The following TTLL7 variants were observed in gnomAD, a reference collection of about 807,000 sequenced individuals.
TTLL7 encodes tubulin tyrosine ligase like 7, also known as tubulin polyglutamylase TTLL7.
In TTLL7, 53 loss-of-function variants were observed where a neutral mutation model predicts 120.2. That is an observed-to-expected ratio of 0.44 (90% confidence interval 0.35 to 0.55). The LOEUF (loss-of-function observed/expected upper bound fraction) is 0.55, where lower values mean the gene tolerates loss of function less well. TTLL7 is among the 20% of genes least tolerant of loss of function. The probability of loss-of-function intolerance (pLI) is 0.00; values close to 1 mark genes in which losing one functional copy is unlikely to be tolerated. For synonymous variants in TTLL7, 353 were observed against 351.7 expected (o/e 1.00, Z -0.04); for missense variants, 803 against 1,054.7 (o/e 0.76, Z 3.31).
intron 17 of TTLL7, 110 bp from the exon 18 acceptor site, chr1:83,904,269 C>A: frequency 1.4e-6 from 1 of 713,008 alleles, no homozygotes; most frequent in Non-Finnish European, 2.3e-6. Flanking sequence ...TGCCAACTTT[C>A]ATAAAAACAC....
intron 10 of TTLL7, among the ~76,000 whole-genome samples, chr1:83,924,166 A>G (rs1422900408): frequency 1.3e-5 from 2 of 152,288 alleles, no homozygotes; most frequent in Admixed American, 6.5e-5. Flanking sequence ...GAGCTGACCA[A>G]ATAAAGGAAG....
At chr1:83,907,714 T>C (rs565298426) in intron 15 of TTLL7, 53 bp from the exon 16 acceptor site, 19 of 1,520,778 alleles carry the variant, frequency 1.2e-5, no homozygotes, top group Non-Finnish European at 1.2e-5. Context: ...ATACAAGTTT[T>C]TCACTGTATG....
intron 10 of TTLL7, among the ~76,000 whole-genome samples, chr1:83,922,906 CAA>C (rs1658805167): frequency 6.6e-6 from 1 of 150,390 alleles, no homozygotes; most frequent in Non-Finnish European, 1.5e-5. Flanking sequence ...AGGGGAGCAA[CAA>C]AGGGATTAGA....
At chr1:83,988,709 T>C (rs1486012403) in intron 1 of TTLL7, among the ~76,000 whole-genome samples, 1 of 152,110 alleles carries the variant, frequency 6.6e-6, no homozygotes, top group Non-Finnish European at 1.5e-5. Context: ...TTCGTGTCTT[T>C]GGCCACCTTT....
At chr1:83,893,171 A>G (rs1230581948) in intron 18 of TTLL7, among the ~76,000 whole-genome samples, 1 of 151,930 alleles carries the variant, frequency 6.6e-6, no homozygotes, top group East Asian at 1.9e-4. Flanking sequence ...AATAAACTTA[A>G]AAACACTAAA....
chr1:83,986,013 CAA>C (rs1374377823), intron 1 of TTLL7, among the ~76,000 whole-genome samples: 1 of 152,174 alleles, frequency 6.6e-6, no homozygotes, highest in East Asian at 1.9e-4. Context: ...CATTTTTAAA[CAA>C]ACTCTTTCAG....
At chr1:83,879,709 A>G (rs1361971333) in intron 20 of TTLL7, among the ~76,000 whole-genome samples, 5 of 151,994 alleles carry the variant, frequency 3.3e-5, no homozygotes, top group Non-Finnish European at 5.9e-5. Flanking sequence ...TTCTCTATCA[A>G]ATGGTTCTGA....
chr1:83,907,522 G>T lies in TTLL7; in HGVS notation c.1926C>A (p.Asn642Lys). 1 of 1,613,266 alleles carries T rather than the reference G, an allele frequency of 6.2e-7. No individual in the cohort carries two copies. The highest frequency in any genetic ancestry group is 8.5e-7 in the Non-Finnish European group (1 of 1,179,458). Residue 642 changes from asparagine to lysine, a missense_variant, in exon 16 of 21, where the codon AAC becomes AAA. Asn to Lys is a moderately conservative substitution (Grantham distance 94). Coordinates refer to ENST00000260505, the MANE Select transcript of TTLL7 (RefSeq NM_024686.6). Reference sequence around the variant, plus strand: ...GATGCCTCATGTAGGAGGAAGCACGGTTTAAGGAATGTGACCGAGATGCAG... The same window carrying T: ...GATGCCTCATGTAGGAGGAAGCACGTTTTAAGGAATGTGACCGAGATGCAG... ...PTSASRSHSL[N>K]RASSYMRHLP...
At chr1:83,892,255 T>C (rs1217124202) in intron 18 of TTLL7, among the ~76,000 whole-genome samples, 1 of 138,844 alleles carries the variant, frequency 7.2e-6, no homozygotes, top group Non-Finnish European at 1.6e-5. Context: ...TATGTATATA[T>C]GAATATATAT....
intron 1 of TTLL7, among the ~76,000 whole-genome samples, chr1:83,990,937 A>C (rs150575600): frequency 4.6e-5 from 7 of 152,370 alleles, no homozygotes; most frequent in Non-Finnish European, 7.3e-5. Flanking sequence ...CAACAGGTGG[A>C]AGCAACACAA....
intron 1 of TTLL7, among the ~76,000 whole-genome samples, chr1:83,969,078 A>T (rs1486482469): frequency 6.6e-6 from 1 of 152,008 alleles, no homozygotes; most frequent in Non-Finnish European, 1.5e-5. Flanking sequence ...CTCAAACATG[A>T]TATTATTAGC....
At chr1:83,911,836 G>C (rs1435716632) in intron 14 of TTLL7, among the ~76,000 whole-genome samples, 2 of 151,908 alleles carry the variant, frequency 1.3e-5, no homozygotes, top group Non-Finnish European at 2.9e-5. Flanking sequence ...TGTGTGGTGT[G>C]TGTGTGTCTG....
At chr1:83,948,932 T>C (rs1648765496) in intron 4 of TTLL7, 1 of 326,754 alleles carries the variant, frequency 3.1e-6, no homozygotes, top group South Asian at 8.1e-5. Context: ...ACATAGATAG[T>C]AAAGTTATAA....
At chr1:83,900,496 G>A (rs1045822178) in intron 18 of TTLL7, among the ~76,000 whole-genome samples, 3 of 151,894 alleles carry the variant, frequency 2.0e-5, no homozygotes, top group Non-Finnish European at 4.4e-5. Flanking sequence ...CAAAATATGT[G>A]GTGTGTGAGA....
chr1:83,986,835 ATC>A (rs1223817039), intron 1 of TTLL7, among the ~76,000 whole-genome samples: 2 of 152,096 alleles, frequency 1.3e-5, no homozygotes, highest in African/African-American at 2.4e-5. Flanking sequence ...GCAAGACTCC[ATC>A]TCAAAAAAAA....
intron 15 of TTLL7, among the ~76,000 whole-genome samples, chr1:83,909,313 T>C (rs1012651325): frequency 7.4e-6 from 1 of 134,446 alleles, no homozygotes; most frequent in African/African-American, 2.7e-5. Flanking sequence ...GAAATTCAGA[T>C]AGAAAAACTA....
chr1:83,994,617 A>G (rs1440205517), intron 1 of TTLL7, among the ~76,000 whole-genome samples: 1 of 152,230 alleles, frequency 6.6e-6, no homozygotes, highest in Non-Finnish European at 1.5e-5. Flanking sequence ...TGGGAACTTT[A>G]TGCATCTGAC....
At chr1:83,905,732 C>T (rs991932709) in intron 17 of TTLL7, among the ~76,000 whole-genome samples, 65 of 151,982 alleles carry the variant, frequency 4.3e-4, no homozygotes, top group African/African-American at 1.5e-3. Flanking sequence ...TCTGAAATAA[C>T]TTGGACCCTC....
At chr1:83,889,933 G>A (rs1304517230) in intron 19 of TTLL7, 1 of 459,122 alleles carries the variant, frequency 2.2e-6, no homozygotes, top group Non-Finnish European at 4.4e-6. Flanking sequence ...AAAGGACATG[G>A]AATGTTTGGT....
Sources: gnomAD v4.1 joint callset for allele counts (sites outside exome capture counted in the v4.1 genomes callset) on GRCh38, gnomAD v4.1.1 for gene constraint, MANE v1.5 for transcripts, NCBI Gene and HGNC (gene_info 2026-07-23, HGNC 2026-07-21) for gene names.